Variants in LRRFIP2 observed in about 807,000 individuals in gnomAD.
The protein encoded by LRRFIP2 is LRR binding FLII interacting protein 2.
LRRFIP2 carries 109 observed loss-of-function variants against 125.9 expected under a neutral mutation model. The observed-to-expected ratio is 0.87, with a 90% CI of 0.74 to 1.01. LRRFIP2 has a LOEUF of 1.01. Among genes scored for constraint, LRRFIP2 ranks in the 50% least tolerant of loss-of-function variants. LRRFIP2 has a pLI of 0.00. For synonymous variants in LRRFIP2, 291 were observed against 293.1 expected, an observed-to-expected ratio of 0.99 and a Z score of 0.07; for missense variants, 850 against 862.3, an observed-to-expected ratio of 0.99 and a Z score of 0.18.
chr3:37,078,453 A>C (rs1160175401), intron 19 of LRRFIP2, among the ~76,000 whole-genome samples: 1 of 152,208 alleles, frequency 6.6e-6, no homozygotes, highest in Non-Finnish European at 1.5e-5. Flanking sequence ...AGAACGTAAC[A>C]TAATTACTAT....
intron 2 of LRRFIP2, among the ~76,000 whole-genome samples, chr3:37,138,229 T>C (rs2095606204): frequency 6.6e-6 from 1 of 152,272 alleles, no homozygotes; most frequent in Non-Finnish European, 1.5e-5. Context: ...ATTTGGATTT[T>C]GTTACTGCTT....
intron 8 of LRRFIP2, among the ~76,000 whole-genome samples, 193 bp from the exon 9 acceptor site, chr3:37,111,258 T>C (rs996150615): frequency 3.3e-5 from 5 of 152,172 alleles, no homozygotes; most frequent in African/African-American, 4.8e-5. Context: ...ACAAAGACAT[T>C]ACTAAATTTT....
intron 2 of LRRFIP2, among the ~76,000 whole-genome samples, chr3:37,137,381 G>A (rs1014163765): frequency 5.3e-5 from 8 of 152,120 alleles, no homozygotes; most frequent in African/African-American, 1.7e-4. Context: ...TACATCCTAA[G>A]AATCTTACTT....
intron 1 of LRRFIP2, among the ~76,000 whole-genome samples, chr3:37,160,723 G>C (rs1035014896): frequency 6.6e-6 from 1 of 151,528 alleles, no homozygotes; most frequent in Admixed American, 6.6e-5. Flanking sequence ...AGGTTACAGT[G>C]AGCCGAGATC....
chr3:37,063,610 C>G, intron 24 of LRRFIP2, 132 bp downstream of exon 24: 2 of 719,102 alleles, frequency 2.8e-6, no homozygotes, highest in Non-Finnish European at 4.9e-6. Context: ...TATGAATTAT[C>G]TATCCTTCAT....
chr3:37,165,847 A>AAGAAAGAAAGAAAGAAAG (rs2096474751), intron 1 of LRRFIP2, among the ~76,000 whole-genome samples: 2 of 146,510 alleles, frequency 1.4e-5, no homozygotes, highest in African/African-American at 5.0e-5. Context: ...GAAAGAAAGA[A>AAGAAAGAAAGAAAGAAAG]AGAAAGAAAG....
At chr3:37,093,685 C>T (rs2093584996) in intron 17 of LRRFIP2, among the ~76,000 whole-genome samples, 1 of 152,124 alleles carries the variant, frequency 6.6e-6, no homozygotes, top group African/African-American at 2.4e-5. Flanking sequence ...GATAGTATTG[C>T]TCTCCTATTT....
chr3:37,106,157 A>T (rs563158625), intron 13 of LRRFIP2, among the ~76,000 whole-genome samples: 1 of 152,382 alleles, frequency 6.6e-6, no homozygotes, highest in African/African-American at 2.4e-5. Context: ...TTGGGATCCC[A>T]TCAGGGGTCA....
intron 2 of LRRFIP2, among the ~76,000 whole-genome samples, chr3:37,145,910 A>C (rs1420018390): frequency 6.6e-6 from 1 of 152,228 alleles, no homozygotes; most frequent in African/African-American, 2.4e-5. Flanking sequence ...TGGTTTCCGC[A>C]TCTGCAAAAT....
At chr3:37,095,287 T>TC (rs1430295459) in intron 16 of LRRFIP2, among the ~76,000 whole-genome samples, 1 of 152,226 alleles carries the variant, frequency 6.6e-6, no homozygotes, top group Non-Finnish European at 1.5e-5. Context: ...AATCAGCACT[T>TC]CCCCTTTTTA....
chr3:37,164,392 C>CTA (rs2096422438), intron 1 of LRRFIP2, among the ~76,000 whole-genome samples: 2 of 152,142 alleles, frequency 1.3e-5, no homozygotes. Context: ...CGAAGATACT[C>CTA]CTATTTTAAT....
intron 4 of LRRFIP2, among the ~76,000 whole-genome samples, chr3:37,126,949 A>G (rs1311618617): frequency 6.6e-6 from 1 of 152,180 alleles, no homozygotes; most frequent in Non-Finnish European, 1.5e-5. Flanking sequence ...ATTACAGACT[A>G]CTTTGAGAAT....
rs565908747 is a variant in LRRFIP2 at position 37,127,817 on chromosome 3, T to C, written c.178-137A>G. The C allele has an allele frequency of 1.2e-4, 79 of 677,586 alleles. 1 individual carries two copies. Among genetic ancestry groups the C allele is most frequent in the Non-Finnish European group, 2.0e-4 (75 of 380,820 alleles). 42.0% of individuals were successfully genotyped at this position (677,586 alleles called of 1,614,324 possible). A position where few individuals can be genotyped will look rare whatever the true frequency, so the allele number is the denominator to read the frequency against. ...AGTTACACATTCAAAATACAGAAAA[T>C]TAGTAAGCTAAATATGTTCAATAGT... is the stretch of plus-strand genomic sequence containing the variant. On this transcript the variant is annotated intron_variant, in intron 3 of 27. Coordinates refer to ENST00000336686, the MANE Select transcript of LRRFIP2 (RefSeq NM_006309.4).
At chr3:37,107,732 T>C (rs776818897) in intron 13 of LRRFIP2, among the ~76,000 whole-genome samples, 5 of 152,120 alleles carry the variant, frequency 3.3e-5, no homozygotes, top group African/African-American at 7.2e-5. Context: ...GTGCAGAATG[T>C]AAAGATAGAA....
At chr3:37,120,350 C>A (rs1399851039) in intron 6 of LRRFIP2, among the ~76,000 whole-genome samples, 1 of 151,142 alleles carries the variant, frequency 6.6e-6, no homozygotes, top group East Asian at 2.0e-4. Flanking sequence ...GGTGATCCAC[C>A]CGCCTTGGCC....
intron 17 of LRRFIP2, among the ~76,000 whole-genome samples, chr3:37,091,963 T>C (rs774294158): frequency 5.3e-5 from 8 of 152,238 alleles, no homozygotes; most frequent in Non-Finnish European, 1.0e-4. Flanking sequence ...TGGCAAATTT[T>C]AATGATTCAT....
intron 15 of LRRFIP2, among the ~76,000 whole-genome samples, chr3:37,097,343 T>C (rs892077492): frequency 6.6e-6 from 1 of 152,188 alleles, no homozygotes; most frequent in Non-Finnish European, 1.5e-5. Flanking sequence ...ATGTTCTACA[T>C]CTTCTTTTTC....
chr3:37,072,043 T>C (rs1175577853), intron 21 of LRRFIP2, among the ~76,000 whole-genome samples: 3 of 152,236 alleles, frequency 2.0e-5, no homozygotes, highest in Non-Finnish European at 4.4e-5. Context: ...ATTTCTGTAA[T>C]TGAATTGATT....
intron 12 of LRRFIP2, among the ~76,000 whole-genome samples, 184 bp from the exon 13 acceptor site, chr3:37,108,313 G>A (rs2094422880): frequency 6.6e-6 from 1 of 152,220 alleles, no homozygotes; most frequent in East Asian, 1.9e-4. Flanking sequence ...GCTAGAGGGA[G>A]CGAAGAGGAA....
Sources: allele counts gnomAD v4.1 joint callset (sites outside exome capture counted in the v4.1 genomes callset), GRCh38; gene constraint gnomAD v4.1.1; transcripts MANE v1.5; gene names NCBI Gene and HGNC (gene_info 2026-07-23, HGNC 2026-07-21).